The following DYM variants were observed in gnomAD, a reference collection of about 807,000 sequenced individuals.
The protein encoded by DYM is dyggve-Melchior-Clausen syndrome protein.
Under a neutral mutation model 93.1 loss-of-function variants are expected in DYM, and 78 were observed. The observed-to-expected ratio is 0.84, with a 90% CI of 0.70 to 1.01. The LOEUF (loss-of-function observed/expected upper bound fraction) is 1.01, where lower values mean the gene tolerates loss of function less well. DYM is among the 50% of genes least tolerant of loss of function. The probability of loss-of-function intolerance (pLI) is 0.00; values close to 1 mark genes in which losing one functional copy is unlikely to be tolerated. For missense variants in DYM, 789 were observed against 845.0 expected (o/e 0.93, Z 0.82); for synonymous variants, 321 against 319.7 (o/e 1.00, Z -0.04).
chr18:49,283,848 G>C (rs10445490), intron 9 of DYM, among the ~76,000 whole-genome samples: 12,898 of 152,072 alleles, frequency 0.085, 664 homozygotes, highest in East Asian at 0.18. Flanking sequence ...ATTTGTGAGG[G>C]GAATGCACCA....
At chr18:49,048,411 G>A (rs1213634042) in intron 17 of DYM, 1 of 152,118 alleles carries the variant, frequency 6.6e-6, no homozygotes, top group Non-Finnish European at 1.5e-5. Context: ...ATTTCGATGT[G>A]GTAATGTCGC....
intron 17 of DYM, among the ~76,000 whole-genome samples, chr18:49,077,604 A>T (rs1332305928): frequency 6.6e-6 from 1 of 152,222 alleles, no homozygotes; most frequent in Non-Finnish European, 1.5e-5. Flanking sequence ...TCTCCAACAC[A>T]GTGGAGTTGT....
At chr18:49,273,401 T>C (rs1299751184) in intron 10 of DYM, among the ~76,000 whole-genome samples, 1 of 152,196 alleles carries the variant, frequency 6.6e-6, no homozygotes, top group African/African-American at 2.4e-5. Flanking sequence ...CATTACCTAG[T>C]AAGCATAGTT....
intron 13 of DYM, among the ~76,000 whole-genome samples, chr18:49,237,219 C>CA (rs1347412033): frequency 7.9e-5 from 12 of 152,256 alleles, no homozygotes; most frequent in African/African-American, 2.9e-4. Flanking sequence ...CACTGTCATA[C>CA]ACTGTCTCTG....
At chr18:49,125,075 T>C (rs2082688380) in intron 15 of DYM, among the ~76,000 whole-genome samples, 1 of 152,096 alleles carries the variant, frequency 6.6e-6, no homozygotes, top group Non-Finnish European at 1.5e-5. Flanking sequence ...CTGGCTCACA[T>C]GGTGAAACCT....
At chr18:49,327,399 C>A (rs2062976683) in intron 8 of DYM, among the ~76,000 whole-genome samples, 1 of 151,988 alleles carries the variant, frequency 6.6e-6, no homozygotes, top group South Asian at 2.1e-4. Context: ...GTCTGTCACT[C>A]AGGCTGGAGT....
intron 6 of DYM, among the ~76,000 whole-genome samples, chr18:49,354,875 C>A (rs947507842): frequency 1.3e-5 from 2 of 152,100 alleles, no homozygotes; most frequent in African/African-American, 4.8e-5. Flanking sequence ...TAAGCAGTTT[C>A]TTACAAAATT....
chr18:49,210,454 G>T (rs1269596066), intron 13 of DYM, among the ~76,000 whole-genome samples: 1 of 152,170 alleles, frequency 6.6e-6, no homozygotes, highest in South Asian at 2.1e-4. Flanking sequence ...AATCTGCAAA[G>T]GCTACATATT....
At chr18:49,354,558 T>C (rs2065380063) in intron 6 of DYM, among the ~76,000 whole-genome samples, 1 of 151,980 alleles carries the variant, frequency 6.6e-6, no homozygotes, top group Non-Finnish European at 1.5e-5. Flanking sequence ...TGGATTGTTA[T>C]CTAAAATATA....
chr18:49,064,923 C>T (rs989181574), intron 17 of DYM, among the ~76,000 whole-genome samples: 1 of 150,976 alleles, frequency 6.6e-6, no homozygotes, highest in Non-Finnish European at 1.5e-5. Context: ...AACATTGTCT[C>T]TTAAAAACAC....
At chr18:49,177,379 A>G (rs1370173472) in intron 14 of DYM, among the ~76,000 whole-genome samples, 1 of 152,212 alleles carries the variant, frequency 6.6e-6, no homozygotes, top group Admixed American at 6.5e-5. Context: ...CAGAGTACCT[A>G]TAACTACGTT....
intron 17 of DYM, chr18:49,049,861 C>A (rs1231335035): frequency 2.6e-5 from 4 of 154,322 alleles, no homozygotes; most frequent in African/African-American, 7.2e-5. Context: ...AAATAAGCCT[C>A]CCTGCATGAA....
At chr18:49,098,807 G>T (rs2079827638) in intron 16 of DYM, among the ~76,000 whole-genome samples, 1 of 152,132 alleles carries the variant, frequency 6.6e-6, no homozygotes, top group African/African-American at 2.4e-5. Flanking sequence ...TCCAAAAATT[G>T]ATTTTTATAA....
At chr18:49,399,424 G>A (rs985141278) in intron 2 of DYM, among the ~76,000 whole-genome samples, 3 of 152,090 alleles carry the variant, frequency 2.0e-5, no homozygotes, top group East Asian at 1.9e-4. Context: ...TATTCTAGAC[G>A]GCTGGAATAC....
At chr18:49,332,703 A>C (rs2063395593) in intron 7 of DYM, among the ~76,000 whole-genome samples, 1 of 152,206 alleles carries the variant, frequency 6.6e-6, no homozygotes, top group African/African-American at 2.4e-5. Flanking sequence ...AAAATAAGTA[A>C]AGAACATATT....
intron 17 of DYM, among the ~76,000 whole-genome samples, chr18:49,078,534 AT>A (rs1471191794): frequency 1.3e-5 from 2 of 152,128 alleles, no homozygotes; most frequent in Non-Finnish European, 2.9e-5. Context: ...CAATGTGATA[AT>A]TTTGGTTATT....
At chr18:49,211,095 T>G (rs1479081256) in intron 13 of DYM, among the ~76,000 whole-genome samples, 1 of 152,136 alleles carries the variant, frequency 6.6e-6, no homozygotes, top group African/African-American at 2.4e-5. Context: ...GAAAAGTGCT[T>G]GCAAAAATAA....
At chr18:49,062,337 A>G (rs1038351068) in intron 17 of DYM, among the ~76,000 whole-genome samples, 1 of 152,188 alleles carries the variant, frequency 6.6e-6, no homozygotes, top group Non-Finnish European at 1.5e-5. Context: ...TAACTTTCTG[A>G]TCACAGTCTA....
intron 17 of DYM, among the ~76,000 whole-genome samples, chr18:49,094,382 C>T (rs2079360577): frequency 6.6e-6 from 1 of 152,156 alleles, no homozygotes; most frequent in South Asian, 2.1e-4. Flanking sequence ...AGTCGGCTCC[C>T]AGAGGACATA....
Sources: allele counts gnomAD v4.1 joint callset (sites outside exome capture counted in the v4.1 genomes callset), GRCh38; gene constraint gnomAD v4.1.1; transcripts MANE v1.5; gene names NCBI Gene and HGNC (gene_info 2026-07-23, HGNC 2026-07-21).